The following TMEM11 variants were observed in gnomAD, a reference collection of about 807,000 sequenced individuals.
TMEM11 encodes transmembrane protein 11, mitochondrial.
Under a neutral mutation model 17.0 loss-of-function variants are expected in TMEM11, and 1 was observed. The observed-to-expected ratio is 0.06, with a 90% CI of 0.02 to 0.28. The LOEUF (loss-of-function observed/expected upper bound fraction) is 0.28, where lower values mean the gene tolerates loss of function less well. TMEM11 is among the 10% of genes least tolerant of loss of function. TMEM11 has a pLI of 1.00. For synonymous variants in TMEM11, 122 were observed against 118.1 expected (o/e 1.03, Z -0.21); for missense variants, 172 against 252.9 (o/e 0.68, Z 2.17).
chr17:21,209,150 C>T (rs951788363), intron 1 of TMEM11, among the ~76,000 whole-genome samples: 50 of 152,362 alleles, frequency 3.3e-4, no homozygotes, highest in South Asian at 4.1e-4. Flanking sequence ...CCAGCCCTTT[C>T]GTCTGCTTCA....
chr17:21,209,675 G>A (rs563173832), intron 1 of TMEM11, among the ~76,000 whole-genome samples: 1 of 152,242 alleles, frequency 6.6e-6, no homozygotes, highest in South Asian at 2.1e-4. Context: ...AGGCTGGGGT[G>A]GGAGAATGGT....
intron 1 of TMEM11, among the ~76,000 whole-genome samples, chr17:21,210,475 T>C (rs1458431086): frequency 6.6e-6 from 1 of 152,110 alleles, no homozygotes; most frequent in East Asian, 1.9e-4. Context: ...AAAGCAAGCA[T>C]GGAGTCTTTC....
chr17:21,200,164 C>G (rs753775966), intron 1 of TMEM11, among the ~76,000 whole-genome samples: 1 of 152,238 alleles, frequency 6.6e-6, no homozygotes, highest in Non-Finnish European at 1.5e-5. Context: ...CAGCAGTGAC[C>G]GTGGGCCAAG....
At chr17:21,207,975 AT>A (rs551243328) in intron 1 of TMEM11, among the ~76,000 whole-genome samples, 1,714 of 142,006 alleles carry the variant, frequency 0.012, 44 homozygotes, top group African/African-American at 0.043. Context: ...GCTTTTCTAT[AT>A]TTTTTAAAAA....
In TMEM11 at chr17:21,198,969, G is replaced by T; in HGVS notation, c.63-129C>A. ...ACTGCGGAGAGCACATCTCACTTGG[G>T]TCCTCATCTCCTTTAAATCCCAACA... On this transcript the variant is annotated intron_variant, in intron 1 of 1. Coordinates refer to ENST00000317635, the MANE Select transcript of TMEM11 (RefSeq NM_003876.3). This position sits in a 1 kb window ranked among gnomAD's most constrained non-coding sequence, Gnocchi z 6.5. 1 of 961,066 alleles carries T rather than the reference G, an allele frequency of 1.0e-6. No individual in the cohort carries two copies. The highest frequency in any genetic ancestry group is 1.5e-6 in the Non-Finnish European group (1 of 662,456). The allele number at this position is 961,066 out of a possible 1,614,324, so 59.5% of individuals were successfully genotyped here.
intron 1 of TMEM11, chr17:21,208,366 T>G (rs1438846027): frequency 6.6e-6 from 1 of 151,780 alleles, no homozygotes; most frequent in East Asian, 1.9e-4. Context: ...CAACCCTATA[T>G]CCCTTGAGGT....
In TMEM11 at chr17:21,205,064, C is replaced by G. The variant is rs114340918; in HGVS notation, c.63-6224G>C. ...TTTTGAGCCCAACTCAATCAGCTCT[C>G]GCAGTCAGCAAAGGAATCCCCTGGC... On this transcript the variant is annotated intron_variant, in intron 1 of 1. Transcript: ENST00000317635. 9.1e-3 allele frequency among the ~76,000 whole-genome samples: 1,385 copies of G among 152,178 alleles called. 34 individuals are homozygous for G. Among genetic ancestry groups the G allele is most frequent in the African/African-American group, 0.031 (1,279 of 41,548 alleles).
intron 1 of TMEM11, among the ~76,000 whole-genome samples, chr17:21,211,557 C>G (rs542366613): frequency 1.3e-5 from 2 of 152,224 alleles, no homozygotes; most frequent in African/African-American, 4.8e-5. Context: ...CTAGACTCAA[C>G]AAGGTAAAGC....
intron 1 of TMEM11, among the ~76,000 whole-genome samples, chr17:21,200,174 G>A (rs1268920746): frequency 1.3e-5 from 2 of 152,248 alleles, no homozygotes; most frequent in Admixed American, 6.5e-5. Flanking sequence ...CGTGGGCCAA[G>A]CTGCATTTCA....
chr17:21,199,164 CA>C (rs1205895029), intron 1 of TMEM11, among the ~76,000 whole-genome samples: 4 of 149,530 alleles, frequency 2.7e-5, no homozygotes, highest in East Asian at 1.9e-4. Context: ...ACTAAAGATA[CA>C]AAAAAAAATT....
chr17:21,210,592 G>C (rs538683724), intron 1 of TMEM11, among the ~76,000 whole-genome samples: 8 of 152,328 alleles, frequency 5.3e-5, no homozygotes, highest in African/African-American at 1.9e-4. Context: ...CCCGGGGCCT[G>C]TGCTCCATCT....
Position 21,198,664 on chromosome 17 carries a change from C to G in TMEM11, c.239G>C (p.Cys80Ser). 2 of 1,614,116 alleles carry G rather than the reference C, an allele frequency of 1.2e-6. No individual in the cohort carries two copies. Among genetic ancestry groups the G allele is most frequent in the Non-Finnish European group, 1.7e-6 (2 of 1,180,044 alleles). Residue 80 changes from cysteine (C) to serine (S), a missense_variant, in exon 2 of 2, where the codon TGC (cysteine) becomes TCC (serine). Cys to Ser is a moderately radical substitution (Grantham distance 112). This residue lies in a region of TMEM11 where 123 missense variants were observed against 213.6 expected (regional missense o/e 0.58). Transcript: ENST00000317635. This position sits in a 1 kb window ranked among gnomAD's most constrained non-coding sequence, Gnocchi z 6.5. The part of the protein sequence containing the change: ...ETARWITVGN[C>S]LHKTAVLAGT... The stretch of plus-strand genomic sequence containing the variant: ...CGCCAGCACGGCCGTCTTGTGCAGG[C>G]AGTTGCCCACGGTGATCCAGCGGGC...
intron 1 of TMEM11, among the ~76,000 whole-genome samples, chr17:21,207,588 A>G (rs1392904640): frequency 2.1e-5 from 3 of 146,004 alleles, no homozygotes; most frequent in African/African-American, 7.6e-5. Context: ...CAAAGGTGCT[A>G]TACATGAAAA....
chr17:21,209,504 C>A (rs777159579), intron 1 of TMEM11, among the ~76,000 whole-genome samples: 1 of 152,180 alleles, frequency 6.6e-6, no homozygotes, highest in Admixed American at 6.5e-5. Flanking sequence ...CAGTGGCTCA[C>A]GCCTGTAATC....
At chr17:21,210,304 A>G (rs2144310752) in intron 1 of TMEM11, among the ~76,000 whole-genome samples, 1 of 152,280 alleles carries the variant, frequency 6.6e-6, no homozygotes, top group South Asian at 2.1e-4. Context: ...ATCCTTACCT[A>G]CGAATCCAAC....
In TMEM11 at chr17:21,198,365, C is replaced by T; in HGVS notation, c.538G>A (p.Val180Met). ...LHNTIALAALVYCVKKIYELY... is the reference protein window; with the variant it reads ...LHNTIALAALMYCVKKIYELY... ...TCGTAAATCTTCTTTACACAGTACA[C>T]CAGGGCGGCCAGTGCTATCGTGTTG... The change falls in exon 2 of 2, where the codon GTG becomes ATG. Residue 180 changes from valine to methionine, a missense_variant. Physicochemically the swap from Val to Met is conservative, Grantham distance 21. Transcript: ENST00000317635. The surrounding 1 kb of genome is among the most constrained non-coding windows in gnomAD (Gnocchi z 6.5). The T allele has an allele frequency of 6.2e-7, 1 of 1,614,212 alleles. No individual in the cohort carries two copies. Among genetic ancestry groups the T allele is most frequent in the Non-Finnish European group, 8.5e-7 (1 of 1,180,038 alleles).
At chr17:21,209,537 C>A (rs932794195) in intron 1 of TMEM11, among the ~76,000 whole-genome samples, 1 of 152,184 alleles carries the variant, frequency 6.6e-6, no homozygotes, top group Non-Finnish European at 1.5e-5. Context: ...GAGGCCAGGG[C>A]GGGTGGATTC....
At chr17:21,199,795 G>A (rs1974863312) in intron 1 of TMEM11, among the ~76,000 whole-genome samples, 1 of 152,182 alleles carries the variant, frequency 6.6e-6, no homozygotes, top group Non-Finnish European at 1.5e-5. Flanking sequence ...GAGGGGAGAA[G>A]AGGAGACCCA....
chr17:21,198,944 A>G lies in TMEM11; in HGVS notation c.63-104T>C. 3.1e-6 allele frequency: 4 copies of G among 1,273,108 alleles called. No homozygotes were observed. Among genetic ancestry groups the G allele is most frequent in the Non-Finnish European group, 4.3e-6 (4 of 929,824 alleles). 78.9% of individuals were successfully genotyped at this position (1,273,108 alleles called of 1,614,324 possible). A position where few individuals can be genotyped will look rare whatever the true frequency, so the allele number is the denominator to read the frequency against. On this transcript the variant is annotated intron_variant, in intron 1 of 1. Transcript: ENST00000317635. This position sits in a 1 kb window ranked among gnomAD's most constrained non-coding sequence, Gnocchi z 6.5. ...AGCGCTGGGGGAGGTCTGAGCCTGC[A>G]CTGCGGAGAGCACATCTCACTTGGG... is the stretch of plus-strand genomic sequence containing the variant.
Sources: allele counts gnomAD v4.1 joint callset (sites outside exome capture counted in the v4.1 genomes callset), GRCh38; gene constraint gnomAD v4.1.1; regional missense constraint gnomAD v4.1.1; non-coding constraint Gnocchi (gnomAD v3.1); transcripts MANE v1.5; gene names NCBI Gene and HGNC (gene_info 2026-07-23, HGNC 2026-07-21).